The following C16orf96 variants were observed in gnomAD, a reference collection of about 807,000 sequenced individuals.
The protein encoded by C16orf96 is chromosome 16 open reading frame 96.
C16orf96 carries 108 observed loss-of-function variants against 103.6 expected under a neutral mutation model. The ratio of observed to expected loss-of-function variants is 1.04; its 90% CI spans 0.89 to 1.22. The LOEUF (loss-of-function observed/expected upper bound fraction) is 1.22, where lower values mean the gene tolerates loss of function less well. Among genes scored for constraint, C16orf96 ranks in the 50% most tolerant of loss-of-function variants. The pLI is 0.00. For synonymous variants in C16orf96, 566 were observed against 593.5 expected, an observed-to-expected ratio of 0.95 and a Z score of 0.67; for missense variants, 1,586 against 1,464.2, an observed-to-expected ratio of 1.08 and a Z score of -1.36.
chr16:4,584,536 G>C (rs1320273709), intron 7 of C16orf96, among the ~76,000 whole-genome samples: 1 of 149,174 alleles, frequency 6.7e-6, no homozygotes, highest in East Asian at 2.0e-4. Flanking sequence ...TTTTTGGTTT[G>C]TTTTTTGTTT....
intron 7 of C16orf96, among the ~76,000 whole-genome samples, chr16:4,585,291 CAAAA>C (rs1555506767): frequency 1.7e-4 from 3 of 17,170 alleles, no homozygotes; most frequent in Non-Finnish European, 5.6e-4. Flanking sequence ...CCTGTCTCTA[CAAAA>C]AAAAAAAAAA....
the C16orf96 span, among the ~76,000 whole-genome samples, chr16:4,550,080 TG>T: frequency 8.1e-6 from 1 of 123,692 alleles, no homozygotes; most frequent in Non-Finnish European, 1.8e-5. Context: ...GAGCACACAG[TG>T]GGTAATTTTT....
intron 2 of C16orf96, among the ~76,000 whole-genome samples, chr16:4,572,306 C>CTTTTTT (rs3992632): frequency 0.91 from 119,045 of 131,534 alleles, 55,352 homozygotes; most frequent in South Asian, 0.99. Flanking sequence ...ACTTATATTT[C>CTTTTTT]TTTTTTTTTT....
chr16:4,563,442 A>G (rs1408976367), intron 1 of C16orf96, among the ~76,000 whole-genome samples: 1 of 152,108 alleles, frequency 6.6e-6, no homozygotes. Context: ...TTTTGTAGAG[A>G]CAGGGTGTTG....
intron 5 of C16orf96, among the ~76,000 whole-genome samples, chr16:4,578,107 C>G (rs1322054037): frequency 6.6e-6 from 1 of 152,120 alleles, no homozygotes; most frequent in African/African-American, 2.4e-5. Context: ...GAGACCTTGT[C>G]TCCATACAAA....
At chr16:4,580,194 C>T in intron 7 of C16orf96, 69 bp downstream of exon 7, 2 of 1,261,798 alleles carry the variant, frequency 1.6e-6, no homozygotes, top group Admixed American at 3.1e-5. Flanking sequence ...CCTTCTGGCC[C>T]TTCCCGAAGG....
chr16:4,579,212 C>G (rs1041704801), intron 6 of C16orf96, among the ~76,000 whole-genome samples, 187 bp downstream of exon 6: 4 of 151,846 alleles, frequency 2.6e-5, no homozygotes, highest in Middle Eastern at 3.4e-3. Context: ...GGTGGGGGGG[C>G]CCAGCAGGTG....
chr16:4,589,929 C>G (rs559780161), intron 9 of C16orf96, among the ~76,000 whole-genome samples: 66 of 150,614 alleles, frequency 4.4e-4, no homozygotes, highest in Non-Finnish European at 7.5e-4. Flanking sequence ...TGAGACCATC[C>G]TGACCAACAC....
At chr16:4,547,013 C>T in the C16orf96 span, among the ~76,000 whole-genome samples, 2 of 151,872 alleles carry the variant, frequency 1.3e-5, 1 homozygote, top group Non-Finnish European at 2.9e-5. Flanking sequence ...AGGTCTGTAA[C>T]TCCTGGGCTC....
At chr16:4,540,608 T>A in the C16orf96 span, among the ~76,000 whole-genome samples, 2 of 151,912 alleles carry the variant, frequency 1.3e-5, no homozygotes, top group East Asian at 3.9e-4. Flanking sequence ...ACGCCTGTAA[T>A]CCCAGCTATT....
intron 1 of C16orf96, among the ~76,000 whole-genome samples, chr16:4,570,668 G>A (rs762001262): frequency 3.9e-5 from 6 of 151,954 alleles, no homozygotes; most frequent in Non-Finnish European, 7.4e-5. Context: ...GGGTTTCACC[G>A]TGTTGGCCAG....
the C16orf96 span, among the ~76,000 whole-genome samples, chr16:4,549,460 A>G: frequency 3.4e-5 from 5 of 148,624 alleles, no homozygotes; most frequent in African/African-American, 1.3e-4. Flanking sequence ...GCGACAGAGC[A>G]AGACTCTGTC....
rs1451359260 is a variant in C16orf96 at position 4,556,790 on chromosome 16, C to T, written c.301C>T (p.Leu101=). ...GAACCAGCTGGCCCTGCTGCAGGACCTGCCCTCCACTGCCCAGCTGCTGGA... is the reference window on the plus strand; with the variant it reads ...GAACCAGCTGGCCCTGCTGCAGGACTTGCCCTCCACTGCCCAGCTGCTGGA... ...LENQLALLQD[L]PSTAQLLEAS... is the part of the protein sequence containing the mutation. Residue 101 remains leucine, a synonymous_variant, in exon 1 of 16, where the codon CTG becomes TTG. Coordinates refer to ENST00000444310, the MANE Select transcript of C16orf96 (RefSeq NM_001145011.2). 73 of 1,551,674 alleles carry T rather than the reference C, an allele frequency of 4.7e-5. No homozygotes were observed. The highest frequency in any genetic ancestry group is 6.2e-5 in the Non-Finnish European group (71 of 1,147,026).
At chr16:4,572,170 C>G (rs1299078145) in intron 2 of C16orf96, among the ~76,000 whole-genome samples, 3 of 152,092 alleles carry the variant, frequency 2.0e-5, no homozygotes, top group African/African-American at 7.2e-5. Context: ...CTTTCTACCC[C>G]AGTGTGTTAA....
At chr16:4,559,710 A>G (rs1159696832) in intron 1 of C16orf96, among the ~76,000 whole-genome samples, 2 of 152,078 alleles carry the variant, frequency 1.3e-5, no homozygotes, top group African/African-American at 2.4e-5. Flanking sequence ...ATCTAGTTCT[A>G]AGCCATTTCC....
chr16:4,553,463 G>A (rs868617059), upstream of C16orf96, among the ~76,000 whole-genome samples: 1 of 151,902 alleles, frequency 6.6e-6, no homozygotes, highest in Non-Finnish European at 1.5e-5. Context: ...CTGCAGCCTC[G>A]AGTAGCTGGG....
chr16:4,548,182 C>A, the C16orf96 span, among the ~76,000 whole-genome samples: 2 of 152,114 alleles, frequency 1.3e-5, no homozygotes, highest in African/African-American at 2.4e-5. Context: ...GGACGATGTT[C>A]CTCATGTTCC....
chr16:4,585,955 A>G (rs972666506), intron 7 of C16orf96, among the ~76,000 whole-genome samples: 2 of 152,120 alleles, frequency 1.3e-5, no homozygotes, highest in African/African-American at 4.8e-5. Context: ...AGAGAGAGGG[A>G]AGGATAGAAA....
chr16:4,551,448 T>TTTTG (rs921158852), upstream of C16orf96, among the ~76,000 whole-genome samples: 19 of 152,176 alleles, frequency 1.2e-4, no homozygotes, highest in Admixed American at 1.2e-3. Context: ...ATTTCGGGAC[T>TTTTG]TTTGTTTGTT....
Sources: allele counts gnomAD v4.1 joint callset (sites outside exome capture counted in the v4.1 genomes callset), GRCh38; gene constraint gnomAD v4.1.1; transcripts MANE v1.5; gene names NCBI Gene and HGNC (gene_info 2026-07-23, HGNC 2026-07-21).